The following HRH1 variants were observed in gnomAD, a reference collection of about 807,000 sequenced individuals.
The protein encoded by HRH1 is histamine H1 receptor.
A neutral mutation model predicts 10.3 loss-of-function variants in HRH1; 6 were observed. The ratio of observed to expected loss-of-function variants is 0.58; its 90% CI spans 0.32 to 1.15. The LOEUF (loss-of-function observed/expected upper bound fraction) is 1.15, where lower values mean the gene tolerates loss of function less well. Ranked by LOEUF, HRH1 falls within the 50% of genes most tolerant of loss-of-function variation. The probability of loss-of-function intolerance (pLI) is 0.05; values close to 1 mark genes in which losing one functional copy is unlikely to be tolerated. For missense variants in HRH1, 514 were observed against 615.3 expected (o/e 0.84, Z 1.74); for synonymous variants, 242 against 236.7 (o/e 1.02, Z -0.21).
At chr3:11,181,511 CTA>C (rs112059274) in intron 1 of HRH1, among the ~76,000 whole-genome samples, 10,828 of 151,698 alleles carry the variant, frequency 0.071, 873 homozygotes, top group African/African-American at 0.2. Flanking sequence ...GTAGGAAGTA[CTA>C]TCTCATTGTG....
rs375341558 is a variant in HRH1 at position 11,190,967 on chromosome 3, C to G, written c.-36+36413C>G. Reference sequence around the variant, plus strand: ...ACCTGAGCTTCTTGTTCAGGTCTCCCGAGGACAAGGTAGCAGGCCAACCAT... The same window carrying G: ...ACCTGAGCTTCTTGTTCAGGTCTCCGGAGGACAAGGTAGCAGGCCAACCAT... On this transcript the variant is annotated intron_variant, in intron 1 of 1. Coordinates refer to ENST00000431010, the MANE Select transcript of HRH1 (RefSeq NM_001098212.2). Among the ~76,000 whole-genome samples, 4 of 152,252 alleles carry G rather than the reference C, an allele frequency of 2.6e-5. No individual in the cohort carries two copies. In the South Asian group the frequency reaches 8.3e-4, roughly 32 times the overall value.
intron 1 of HRH1, among the ~76,000 whole-genome samples, chr3:11,198,909 C>T (rs532223398): frequency 4.2e-4 from 62 of 149,102 alleles, no homozygotes; most frequent in Non-Finnish European, 5.7e-4. Context: ...TTTATACACA[C>T]ACACACACAC....
At chr3:11,168,640 C>T (rs866167748) in intron 1 of HRH1, among the ~76,000 whole-genome samples, 4 of 152,238 alleles carry the variant, frequency 2.6e-5, no homozygotes, top group African/African-American at 4.8e-5. Context: ...GTTGTGCCTG[C>T]GTCCTGGGGC....
Position 11,260,569 on chromosome 3 carries a change from C to T in HRH1, c.*68C>T. ...CCAACAAGGAAATAGAGGACGAAGG[C>T]CTGTGTGTTGCCAGGCAGGCACCTG... On this transcript the variant is annotated 3_prime_UTR_variant, in exon 2 of 2. Transcript: ENST00000431010. 6 of 1,439,282 alleles carry T rather than the reference C, an allele frequency of 4.2e-6. No individual in the cohort carries two copies. The highest frequency in any genetic ancestry group is 5.7e-6 in the Non-Finnish European group (6 of 1,061,296). 89.2% of individuals were successfully genotyped at this position (1,439,282 alleles called of 1,614,324 possible).
chr3:11,145,105 G>A (rs1936407824), intron 1 of HRH1, among the ~76,000 whole-genome samples: 1 of 152,064 alleles, frequency 6.6e-6, no homozygotes, highest in Non-Finnish European at 1.5e-5. Flanking sequence ...CCCATCTGTG[G>A]ATTACTGCAA....
In HRH1 at chr3:11,260,416, A is replaced by G. The variant is rs202100549; in HGVS notation, c.1379A>G (p.Asn460Ser). ...TTCACCATCTGGCTGGGCTACATCA[A>G]CTCCACACTGAACCCCCTCATCTAC... is the stretch of plus-strand genomic sequence containing the variant. ...HMFTIWLGYI[N>S]STLNPLIYPL... Residue 460 changes from asparagine to serine, a missense_variant, in exon 2 of 2, where the codon AAC becomes AGC. By Grantham distance (46) the Asn-to-Ser change is conservative. Coordinates refer to ENST00000431010, the MANE Select transcript of HRH1 (RefSeq NM_001098212.2). The G allele has an allele frequency of 6.2e-7, 1 of 1,614,070 alleles. No individual in the cohort carries two copies. The highest frequency in any genetic ancestry group is 8.5e-7 in the Non-Finnish European group (1 of 1,179,984).
chr3:11,156,425 C>T (rs1936798868), intron 1 of HRH1, among the ~76,000 whole-genome samples: 1 of 152,184 alleles, frequency 6.6e-6, no homozygotes, highest in African/African-American at 2.4e-5. Flanking sequence ...GGGACTTATA[C>T]ATGAGCCTCC....
At position 11,249,206 on chromosome 3, in the gene HRH1, A is replaced by C. The variant is rs1029592366; in HGVS notation, c.-35-9797A>C. On this transcript the variant is annotated intron_variant, in intron 1 of 1. Transcript: ENST00000431010. ...GGTCAGGAGATCCAGACCATCCTGG[A>C]TAACACAGTGAAACCCCGTCTCTAC... Among the ~76,000 whole-genome samples the C allele has an allele frequency of 7.2e-5, 11 of 152,064 alleles. No homozygotes were observed. In the East Asian group the frequency reaches 2.1e-3, roughly 29 times the overall value.
intron 1 of HRH1, among the ~76,000 whole-genome samples, chr3:11,180,081 G>A (rs1937324255): frequency 6.6e-6 from 1 of 152,022 alleles, no homozygotes; most frequent in Admixed American, 6.5e-5. Context: ...TGTTTTAAAT[G>A]GCCTTATTAA....
intron 1 of HRH1, among the ~76,000 whole-genome samples, chr3:11,192,046 T>G (rs1311496017): frequency 6.6e-6 from 1 of 152,236 alleles, no homozygotes; most frequent in Non-Finnish European, 1.5e-5. Flanking sequence ...GGTTTCATCC[T>G]GACTCCCACT....
At chr3:11,197,513 G>A (rs886139792) in intron 1 of HRH1, among the ~76,000 whole-genome samples, 2 of 152,172 alleles carry the variant, frequency 1.3e-5, no homozygotes, top group Non-Finnish European at 2.9e-5. Context: ...TTGAACAAAA[G>A]GTACTGTCTG....
chr3:11,238,504 C>T (rs895357146), intron 1 of HRH1, among the ~76,000 whole-genome samples: 8 of 152,188 alleles, frequency 5.3e-5, no homozygotes, highest in African/African-American at 1.9e-4. Flanking sequence ...CCAGAGCAGC[C>T]TCTTTCTTCA....
chr3:11,257,252 T>TA (rs756942955), intron 1 of HRH1, among the ~76,000 whole-genome samples: 3,041 of 80,110 alleles, frequency 0.038, 37 homozygotes, highest in African/African-American at 0.052. Flanking sequence ...GACTCTGTCC[T>TA]AAAAAAAAAA....
At chr3:11,154,164 A>T (rs1936719075), upstream of HRH1, among the ~76,000 whole-genome samples, 1 of 152,008 alleles carries the variant, frequency 6.6e-6, no homozygotes, top group Non-Finnish European at 1.5e-5. The surrounding 1 kb of genome is among the most constrained non-coding windows in gnomAD (Gnocchi z 4.4). Flanking sequence ...GAGTTGTCTC[A>T]CCAAGGTTCT....
chr3:11,217,352 A>T (rs1938545060), intron 1 of HRH1, among the ~76,000 whole-genome samples: 1 of 152,038 alleles, frequency 6.6e-6, no homozygotes, highest in Non-Finnish European at 1.5e-5. Context: ...CAACATAGTG[A>T]AACCCTGTCT....
Position 11,260,316 on chromosome 3 carries a change from T to C in HRH1, c.1279T>C (p.Cys427Arg), listed in dbSNP as rs1051465876. Residue 427 changes from cysteine (C) to arginine (R), a missense_variant, in exon 2 of 2, where the codon TGC becomes CGC. Coordinates refer to ENST00000431010, the MANE Select transcript of HRH1 (RefSeq NM_001098212.2). ...LGFIMAAFIL[C>R]WIPYFIFFMV... ...TTTTATCATGGCAGCCTTCATCCTC[T>C]GCTGGATCCCTTATTTCATCTTCTT... is the stretch of plus-strand genomic sequence containing the variant. 1 of 1,614,238 alleles carries C rather than the reference T, an allele frequency of 6.2e-7. No homozygotes were observed. The highest frequency in any genetic ancestry group is 8.5e-7 in the Non-Finnish European group (1 of 1,180,038).
chr3:11,247,539 G>C (rs556311795), intron 1 of HRH1, among the ~76,000 whole-genome samples: 3 of 152,308 alleles, frequency 2.0e-5, no homozygotes, highest in Admixed American at 6.5e-5. Context: ...AAGAGGGACT[G>C]TCCCTTACTA....
At chr3:11,153,233 G>A (rs954749461), upstream of HRH1, among the ~76,000 whole-genome samples, 1 of 152,148 alleles carries the variant, frequency 6.6e-6, no homozygotes, top group Non-Finnish European at 1.5e-5. Context: ...GATAATAATA[G>A]TTCCTACCTA....
intron 1 of HRH1, among the ~76,000 whole-genome samples, chr3:11,237,272 C>A (rs1264674689): frequency 6.6e-6 from 1 of 152,196 alleles, no homozygotes; most frequent in African/African-American, 2.4e-5. Context: ...CCTTTTCTCA[C>A]GTTAGCACGG....
Sources: allele counts gnomAD v4.1 joint callset (sites outside exome capture counted in the v4.1 genomes callset), GRCh38; gene constraint gnomAD v4.1.1; non-coding constraint Gnocchi (gnomAD v3.1); transcripts MANE v1.5; gene names NCBI Gene and HGNC (gene_info 2026-07-23, HGNC 2026-07-21).